The following KLRG1 variants were observed in gnomAD, a reference collection of about 807,000 sequenced individuals.
KLRG1 encodes the protein killer cell lectin like receptor G1.
In KLRG1, 16 loss-of-function variants were observed where a neutral mutation model predicts 21.8. That is an observed-to-expected ratio of 0.73 (90% CI 0.50 to 1.11). The LOEUF (loss-of-function observed/expected upper bound fraction) is 1.11. Among genes scored for constraint, KLRG1 ranks in the 50% most tolerant of loss-of-function variants. KLRG1 has a pLI of 0.00. For missense variants in KLRG1, 173 were observed against 218.3 expected, an observed-to-expected ratio of 0.79 and a Z score of 1.31; for synonymous variants, 69 against 75.9, an observed-to-expected ratio of 0.91 and a Z score of 0.47.
At chr12:9,099,339 C>T in the KLRG1 span, 1 of 1,522,764 alleles carries the variant, frequency 6.6e-7, no homozygotes, top group Non-Finnish European at 8.9e-7. Context: ...ATAGTAACTT[C>T]TAGTTTTACA....
At chr12:9,050,816 C>T in the KLRG1 span, among the ~76,000 whole-genome samples, 1 of 152,230 alleles carries the variant, frequency 6.6e-6, no homozygotes, top group Non-Finnish European at 1.5e-5. Context: ...AGTGTGCACC[C>T]TCATGGGCCC....
chr12:9,156,576 G>A, the KLRG1 span, among the ~76,000 whole-genome samples: 2 of 152,214 alleles, frequency 1.3e-5, no homozygotes, highest in African/African-American at 4.8e-5. Flanking sequence ...ATTCAAGTAA[G>A]TAGAGAGAAA....
At chr12:9,179,550 A>C in the KLRG1 span, among the ~76,000 whole-genome samples, 4 of 152,212 alleles carry the variant, frequency 2.6e-5, no homozygotes, top group Non-Finnish European at 5.9e-5. Flanking sequence ...AAAAGTAGAA[A>C]ATAATTTGTA....
chr12:9,080,714 A>C, the KLRG1 span, among the ~76,000 whole-genome samples: 1 of 152,360 alleles, frequency 6.6e-6, no homozygotes, highest in African/African-American at 2.4e-5. Flanking sequence ...GAAGACGAAC[A>C]GTATTTGATG....
At chr12:9,040,268 A>G in the KLRG1 span, among the ~76,000 whole-genome samples, 1 of 152,214 alleles carries the variant, frequency 6.6e-6, no homozygotes, top group Non-Finnish European at 1.5e-5. Context: ...GAACAATAGT[A>G]TATAATTTAA....
chr12:9,160,492 T>G, the KLRG1 span: 2 of 1,608,642 alleles, frequency 1.2e-6, no homozygotes, highest in African/African-American at 1.3e-5. Context: ...ATATGTCACC[T>G]GGGGAATGTG....
At chr12:9,087,527 G>C in the KLRG1 span, among the ~76,000 whole-genome samples, 8 of 152,220 alleles carry the variant, frequency 5.3e-5, no homozygotes, top group African/African-American at 1.9e-4. Flanking sequence ...GGAAGGTGGT[G>C]TTCAAGGGAC....
downstream of KLRG1, among the ~76,000 whole-genome samples, chr12:9,012,566 T>A (rs1947646821): frequency 1.3e-5 from 2 of 151,602 alleles, no homozygotes; most frequent in African/African-American, 4.9e-5. Flanking sequence ...ATGGTAGCCA[T>A]GGGGAGAGAC....
chr12:9,212,158 A>G, the KLRG1 span, among the ~76,000 whole-genome samples: 20 of 152,178 alleles, frequency 1.3e-4, no homozygotes, highest in Admixed American at 6.5e-4. Context: ...CTCAGGGCCT[A>G]CAGCTGAGAC....
intron 1 of KLRG1, among the ~76,000 whole-genome samples, chr12:8,981,296 C>G (rs1187615988): frequency 6.6e-6 from 1 of 152,108 alleles, no homozygotes. Flanking sequence ...GTCTTTTCTT[C>G]TACTTACATT....
At chr12:8,971,226 GGTAA>G (rs1450035177) in intron 1 of KLRG1, 2 of 151,834 alleles carry the variant, frequency 1.3e-5, no homozygotes, top group African/African-American at 2.4e-5. Flanking sequence ...TTTCTTTGTG[GGTAA>G]GTGTGTATTA....
chr12:9,006,836 A>G (rs1947487414), intron 3 of KLRG1, among the ~76,000 whole-genome samples: 2 of 152,236 alleles, frequency 1.3e-5, no homozygotes, highest in Non-Finnish European at 2.9e-5. Flanking sequence ...CCACCTGCTT[A>G]TCTTCAGATA....
At chr12:9,014,279 T>C (rs996624161), downstream of KLRG1, among the ~76,000 whole-genome samples, 1 of 152,098 alleles carries the variant, frequency 6.6e-6, no homozygotes. Flanking sequence ...GAACACCAAG[T>C]AGACTTAACT....
At chr12:9,194,275 A>T in the KLRG1 span, 5 of 1,599,622 alleles carry the variant, frequency 3.1e-6, no homozygotes, top group South Asian at 4.4e-5. Flanking sequence ...GATGTGAACA[A>T]CACCCAGAGA....
intron 1 of KLRG1, among the ~76,000 whole-genome samples, chr12:8,991,115 A>G (rs1433615004): frequency 1.3e-5 from 2 of 152,204 alleles, no homozygotes; most frequent in East Asian, 3.8e-4. Flanking sequence ...TAATTTCCTA[A>G]TTAAATGTTA....
chr12:8,974,902 TC>T (rs1368065581), intron 1 of KLRG1, among the ~76,000 whole-genome samples: 1,167 of 109,952 alleles, frequency 0.011, 14 homozygotes, highest in African/African-American at 0.029. Flanking sequence ...TTCTTCTTCT[TC>T]TTCTTTTTTT....
At chr12:8,985,213 G>A (rs1946823737), upstream of KLRG1, among the ~76,000 whole-genome samples, 1 of 151,100 alleles carries the variant, frequency 6.6e-6, no homozygotes, top group Admixed American at 6.6e-5. Context: ...AAGAGTATTG[G>A]TCAGATATTT....
chr12:8,982,515 A>G (rs775460722), intron 1 of KLRG1, among the ~76,000 whole-genome samples: 1 of 152,324 alleles, frequency 6.6e-6, no homozygotes, highest in South Asian at 2.1e-4. Context: ...GTGATAAGAA[A>G]CTAACACACC....
chr12:9,160,456 T>C, the KLRG1 span: 1 of 1,613,866 alleles, frequency 6.2e-7, no homozygotes, highest in African/African-American at 1.3e-5. Flanking sequence ...GGAGGAGATT[T>C]TGTATATTTT....
Sources: gnomAD v4.1 joint callset for allele counts (sites outside exome capture counted in the v4.1 genomes callset) on GRCh38, gnomAD v4.1.1 for gene constraint, MANE v1.5 for transcripts, NCBI Gene and HGNC (gene_info 2026-07-23, HGNC 2026-07-21) for gene names.